Variants in SGCZ observed in about 807,000 individuals in gnomAD.
The protein encoded by SGCZ is zeta-sarcoglycan.
SGCZ carries 40 observed loss-of-function variants against 41.3 expected under a neutral mutation model. The observed-to-expected ratio is 0.97, with a 90% confidence interval of 0.75 to 1.26. SGCZ has a LOEUF of 1.26. Ranked by LOEUF, SGCZ falls within the 50% of genes most tolerant of loss-of-function variation. SGCZ has a pLI of 0.00. For missense variants in SGCZ, 552 were observed against 369.8 expected (o/e 1.49, Z -4.04); for synonymous variants, 206 against 137.5 (o/e 1.50, Z -3.49).
chr8:15,002,941 A>G (rs1035340319), intron 1 of SGCZ, among the ~76,000 whole-genome samples: 3 of 152,164 alleles, frequency 2.0e-5, no homozygotes, highest in East Asian at 3.9e-4. Flanking sequence ...ATTATAGTGA[A>G]TACATCTCAC....
chr8:15,080,918 A>G (rs1805723496), intron 1 of SGCZ, among the ~76,000 whole-genome samples: 1 of 151,882 alleles, frequency 6.6e-6, no homozygotes. Context: ...AAGGAAGGAG[A>G]CAATTCAGAC....
intron 1 of SGCZ, among the ~76,000 whole-genome samples, chr8:14,999,203 G>C (rs928411083): frequency 6.6e-6 from 1 of 152,130 alleles, no homozygotes; most frequent in East Asian, 1.9e-4. Flanking sequence ...TCTAATACAT[G>C]GGGTTTCTCT....
At chr8:14,253,603 G>T (rs1177087629) in intron 3 of SGCZ, among the ~76,000 whole-genome samples, 1 of 151,982 alleles carries the variant, frequency 6.6e-6, no homozygotes, top group Non-Finnish European at 1.5e-5. Flanking sequence ...AAGAGATATA[G>T]TTCATTGGTT....
intron 2 of SGCZ, among the ~76,000 whole-genome samples, chr8:14,349,979 G>A (rs552839000): frequency 7.9e-4 from 120 of 152,062 alleles, no homozygotes; most frequent in African/African-American, 2.6e-3. Flanking sequence ...CAAATTTACT[G>A]GCAAATTAAA....
At chr8:14,455,503 C>G (rs1023577329) in intron 2 of SGCZ, among the ~76,000 whole-genome samples, 1 of 150,654 alleles carries the variant, frequency 6.6e-6, no homozygotes, top group South Asian at 2.1e-4. Context: ...CATATACACA[C>G]TTCTCTTTCC....
At chr8:15,209,111 T>A (rs1801161763) in intron 1 of SGCZ, among the ~76,000 whole-genome samples, 1 of 150,606 alleles carries the variant, frequency 6.6e-6, no homozygotes, top group Non-Finnish European at 1.5e-5. Context: ...AATATCTTAG[T>A]TTTTCCATCT....
rs111481763 is a variant in SGCZ, at chr8:14,466,190, C to G, written c.234+88542G>C. 4.0e-3 allele frequency among the ~76,000 whole-genome samples: 603 copies of G among 151,946 alleles called. 3 individuals are homozygous for G. The highest frequency in any genetic ancestry group is 8.5e-3 in the Admixed American group (130 of 15,230). On this transcript the variant is annotated intron_variant, in intron 2 of 7. Transcript: ENST00000382080. ...TCACCTTATTCAGCTTTTCTTTATC[C>G]GAGAATGTCTTAATTTCTCCTTGAC...
chr8:14,646,082 C>T (rs1325396954), intron 1 of SGCZ, among the ~76,000 whole-genome samples: 1 of 151,750 alleles, frequency 6.6e-6, no homozygotes, highest in Non-Finnish European at 1.5e-5. Flanking sequence ...ATTTTAGATA[C>T]AGGGAATACA....
At chr8:15,052,379 G>A (rs1327345769) in intron 1 of SGCZ, among the ~76,000 whole-genome samples, 1 of 152,146 alleles carries the variant, frequency 6.6e-6, no homozygotes, top group East Asian at 1.9e-4. Context: ...AAAAAGCAGT[G>A]GGAAGAAAGT....
intron 1 of SGCZ, among the ~76,000 whole-genome samples, chr8:15,179,412 T>A (rs1172865441): frequency 6.6e-6 from 1 of 152,190 alleles, no homozygotes; most frequent in East Asian, 1.9e-4. Flanking sequence ...ACTTTACAGT[T>A]TTGACATAAA....
intron 1 of SGCZ, among the ~76,000 whole-genome samples, chr8:14,719,692 G>A (rs1809816012): frequency 1.3e-5 from 2 of 151,810 alleles, no homozygotes; most frequent in Admixed American, 1.3e-4. Context: ...CCCACTTTTT[G>A]ATGGGGTTGT....
At chr8:14,611,782 C>T (rs556072509) in intron 1 of SGCZ, among the ~76,000 whole-genome samples, 7 of 151,920 alleles carry the variant, frequency 4.6e-5, no homozygotes, top group East Asian at 1.9e-4. Flanking sequence ...TTTATATTAC[C>T]GAGACTGACT....
intron 1 of SGCZ, among the ~76,000 whole-genome samples, chr8:15,142,821 G>A (rs1043734332): frequency 1.3e-5 from 2 of 152,012 alleles, no homozygotes; most frequent in African/African-American, 4.8e-5. Context: ...ATGTTGCCCA[G>A]GCTGGTCTCA....
chr8:14,234,789 T>C (rs919724598), intron 4 of SGCZ, among the ~76,000 whole-genome samples: 72 of 152,196 alleles, frequency 4.7e-4, no homozygotes, highest in African/African-American at 1.7e-3. Flanking sequence ...CATTCAAGTA[T>C]GTCTTCAAAC....
At chr8:14,552,604 A>C (rs536229918) in intron 2 of SGCZ, among the ~76,000 whole-genome samples, 45 of 152,206 alleles carry the variant, frequency 3.0e-4, no homozygotes, top group Admixed American at 1.5e-3. Flanking sequence ...ATGTTGCATT[A>C]TAATTTACAT....
intron 1 of SGCZ, among the ~76,000 whole-genome samples, chr8:14,583,296 A>C (rs1268937545): frequency 2.0e-5 from 3 of 151,984 alleles, no homozygotes; most frequent in Non-Finnish European, 2.9e-5. Flanking sequence ...TTTTGGCTGC[A>C]TAAATGTCTT....
At chr8:14,955,421 C>G (rs374138084) in intron 1 of SGCZ, among the ~76,000 whole-genome samples, 1 of 152,178 alleles carries the variant, frequency 6.6e-6, no homozygotes, top group African/African-American at 2.4e-5. Flanking sequence ...TGCCTCTTTC[C>G]TAGTGCCTAT....
At chr8:14,965,216 A>G (rs2130857071) in intron 1 of SGCZ, among the ~76,000 whole-genome samples, 1 of 152,236 alleles carries the variant, frequency 6.6e-6, no homozygotes, top group East Asian at 1.9e-4. Flanking sequence ...CCTGATTATG[A>G]ATCTAACTTG....
intron 1 of SGCZ, among the ~76,000 whole-genome samples, chr8:14,934,519 T>G (rs1295378854): frequency 6.6e-6 from 1 of 151,640 alleles, no homozygotes; most frequent in African/African-American, 2.4e-5. Flanking sequence ...AATTAGCCAT[T>G]CAGAAGGTAG....
Sources: allele counts gnomAD v4.1 joint callset (sites outside exome capture counted in the v4.1 genomes callset), GRCh38; gene constraint gnomAD v4.1.1; transcripts MANE v1.5; gene names NCBI Gene and HGNC (gene_info 2026-07-23, HGNC 2026-07-21).